The following KMO variants were observed in gnomAD, a reference collection of about 807,000 sequenced individuals.
KMO encodes the protein kynurenine 3-hydroxylase.
A neutral mutation model predicts 57.8 loss-of-function variants in KMO; 24 were observed. That is an observed-to-expected ratio of 0.42 (90% CI 0.30 to 0.58). KMO has a LOEUF of 0.58. KMO is among the 20% of genes least tolerant of loss of function. KMO has a pLI of 0.22. For missense variants in KMO, 483 were observed against 588.2 expected, an observed-to-expected ratio of 0.82 and a Z score of 1.85; for synonymous variants, 210 against 193.6, an observed-to-expected ratio of 1.08 and a Z score of -0.70.
chr1:241,576,414 A>G (rs1300203319), intron 10 of KMO, among the ~76,000 whole-genome samples: 1 of 152,046 alleles, frequency 6.6e-6, no homozygotes, highest in Admixed American at 6.6e-5. Context: ...TTTTGTTTCA[A>G]GATTTAGAGC....
chr1:241,546,848 T>C (rs1284135358), intron 1 of KMO, among the ~76,000 whole-genome samples: 1 of 152,200 alleles, frequency 6.6e-6, no homozygotes, highest in Admixed American at 6.5e-5. Context: ...ATATACATTT[T>C]CACATCATCA....
At chr1:241,576,493 C>G (rs10802971) in intron 10 of KMO, among the ~76,000 whole-genome samples, 40,404 of 151,892 alleles carry the variant, frequency 0.27, 6,110 homozygotes, top group Middle Eastern at 0.35. Context: ...CTGAAAATGC[C>G]TTTATCTCTC....
At chr1:241,567,033 G>T (rs1185144673) in intron 9 of KMO, among the ~76,000 whole-genome samples, 1 of 152,312 alleles carries the variant, frequency 6.6e-6, no homozygotes, top group East Asian at 1.9e-4. Context: ...CGTGGGAAAA[G>T]GTTGATAAAT....
Position 241,594,851 on chromosome 1 carries a change from C to T in KMO, c.*2698C>T, listed in dbSNP as rs1018129115. ...GTCATGCTCAGATCTACCTAAATCA[C>T]CCCAGAGCTTTATGTCTTTTATTCA... On this transcript the variant is annotated 3_prime_UTR_variant, in exon 15 of 15. Transcript: ENST00000366559. The T allele has an allele frequency of 3.4e-5, 24 of 701,504 alleles. No individual in the cohort carries two copies. The highest frequency in any genetic ancestry group is 1.2e-4 in the South Asian group (6 of 51,148). 43.5% of individuals were successfully genotyped at this position (701,504 alleles called of 1,614,324 possible).
intron 1 of KMO, among the ~76,000 whole-genome samples, chr1:241,535,473 T>C (rs2147936575): frequency 6.6e-6 from 1 of 152,318 alleles, no homozygotes; most frequent in East Asian, 1.9e-4. Context: ...AAAGTCACCC[T>C]GAGAAGTTAT....
At chr1:241,548,532 GAT>G (rs986764128) in intron 1 of KMO, among the ~76,000 whole-genome samples, 1 of 150,014 alleles carries the variant, frequency 6.7e-6, no homozygotes, top group Non-Finnish European at 1.5e-5. Context: ...TATTCTGTAA[GAT>G]ATATATGTTT....
chr1:241,588,896 C>T, intron 12 of KMO, 66 bp downstream of exon 12: 1 of 1,232,920 alleles, frequency 8.1e-7, no homozygotes. Context: ...GTGTTCTTTT[C>T]TTTTTCTTTG....
chr1:241,565,480 G>A (rs1662038165), intron 8 of KMO, among the ~76,000 whole-genome samples: 2 of 151,266 alleles, frequency 1.3e-5, no homozygotes, highest in Admixed American at 6.6e-5. Context: ...CAGCACTTTG[G>A]GAGGCCAAAG....
intron 11 of KMO, 32 bp downstream of exon 11, chr1:241,586,768 T>A (rs1663008131): frequency 6.7e-7 from 1 of 1,495,324 alleles, no homozygotes; most frequent in South Asian, 1.2e-5. Context: ...ACTGGACATG[T>A]ACTAGCTCTT....
At chr1:241,533,254 C>T (rs1660637572) in intron 1 of KMO, among the ~76,000 whole-genome samples, 1 of 152,156 alleles carries the variant, frequency 6.6e-6, no homozygotes, top group South Asian at 2.1e-4. Flanking sequence ...TACAAACATC[C>T]CAGTTAGTCA....
chr1:241,543,543 T>G (rs1208582135), intron 1 of KMO, among the ~76,000 whole-genome samples: 2 of 152,172 alleles, frequency 1.3e-5, no homozygotes, highest in Admixed American at 6.5e-5. Flanking sequence ...CGCTTTTTTG[T>G]TTGTCTATTT....
At chr1:241,578,894 A>C (rs1313945996) in intron 10 of KMO, among the ~76,000 whole-genome samples, 1 of 152,076 alleles carries the variant, frequency 6.6e-6, no homozygotes, top group Non-Finnish European at 1.5e-5. Flanking sequence ...CTCACATGGT[A>C]GCAGACAAGA....
chr1:241,578,920 A>G (rs1314222253), intron 10 of KMO, among the ~76,000 whole-genome samples: 2 of 152,128 alleles, frequency 1.3e-5, no homozygotes, highest in East Asian at 3.9e-4. Flanking sequence ...GTGAGAGCCA[A>G]GTGAAAGGGT....
intron 10 of KMO, among the ~76,000 whole-genome samples, chr1:241,586,125 C>T (rs1286856904): frequency 6.7e-6 from 1 of 148,636 alleles, no homozygotes; most frequent in Non-Finnish European, 1.5e-5. Context: ...GGTCGAATTT[C>T]AGATCACTGT....
In KMO at chr1:241,593,247, C is replaced by A; in HGVS notation, c.*1094C>A. 1 of 304,746 alleles carries A rather than the reference C, an allele frequency of 3.3e-6. No homozygotes were observed. The highest frequency in any genetic ancestry group is 7.8e-5 in the East Asian group (1 of 12,810). 18.9% of individuals were successfully genotyped at this position (304,746 alleles called of 1,614,324 possible). ...ATTACTTTATTCAATTTCAGACCCT[C>A]AGAAGCAATTTACTAATTTATTCTT... On this transcript the variant is annotated 3_prime_UTR_variant, in exon 15 of 15. Transcript: ENST00000366559.
At chr1:241,588,196 A>AG (rs1663085807) in intron 11 of KMO, among the ~76,000 whole-genome samples, 1 of 152,086 alleles carries the variant, frequency 6.6e-6, no homozygotes, top group Non-Finnish European at 1.5e-5. Flanking sequence ...AGTTTTAAAA[A>AG]GAAAAAAAAA....
At chr1:241,580,235 A>G (rs190398193) in intron 10 of KMO, among the ~76,000 whole-genome samples, 18 of 152,186 alleles carry the variant, frequency 1.2e-4, no homozygotes, top group African/African-American at 4.1e-4. Context: ...TCCTGGAAAA[A>G]AGTTCACAGT....
intron 10 of KMO, among the ~76,000 whole-genome samples, chr1:241,581,118 CA>C (rs1232931741): frequency 6.6e-6 from 1 of 151,902 alleles, no homozygotes; most frequent in Non-Finnish European, 1.5e-5. Flanking sequence ...TCTTGAAATC[CA>C]TTTTGTCTCA....
chr1:241,583,472 C>T (rs549087850), intron 10 of KMO, among the ~76,000 whole-genome samples: 57 of 152,220 alleles, frequency 3.7e-4, no homozygotes, highest in African/African-American at 1.3e-3. Context: ...CTACTTGGTG[C>T]TTTATTTTAT....
Sources: allele counts gnomAD v4.1 joint callset (sites outside exome capture counted in the v4.1 genomes callset), GRCh38; gene constraint gnomAD v4.1.1; transcripts MANE v1.5; gene names NCBI Gene and HGNC (gene_info 2026-07-23, HGNC 2026-07-21).